The following GPC3 variants were observed in gnomAD, a reference collection of about 807,000 sequenced individuals.
GPC3 encodes the protein glypican 3.
Under a neutral mutation model 34.4 loss-of-function variants are expected in GPC3, and 3 were observed. The observed-to-expected ratio is 0.09, with a 90% CI of 0.04 to 0.23. GPC3 has a LOEUF of 0.23. GPC3 is among the 10% of genes least tolerant of loss of function. The pLI is 1.00. For missense variants in GPC3, 351 were observed against 445.6 expected, an observed-to-expected ratio of 0.79 and a Z score of 1.91; for synonymous variants, 177 against 174.0, an observed-to-expected ratio of 1.02 and a Z score of -0.13.
chrX:133,965,377 T>C (rs888285900), intron 1 of GPC3, among the ~76,000 whole-genome samples: 1 of 110,468 alleles, frequency 9.1e-6, no homozygotes, highest in African/African-American at 3.3e-5. Flanking sequence ...CCTCCTGGAT[T>C]ATCTAGGTGG....
chrX:133,877,162 T>C (rs1439365360), intron 2 of GPC3, among the ~76,000 whole-genome samples: 1 of 111,878 alleles, frequency 8.9e-6, no homozygotes, highest in Non-Finnish European at 1.9e-5. Flanking sequence ...TATAAAAGAA[T>C]GCCTTTGGGA....
chrX:133,764,720 G>A (rs1475103849), intron 2 of GPC3, among the ~76,000 whole-genome samples: 1 of 111,852 alleles, frequency 8.9e-6, no homozygotes, highest in African/African-American at 3.2e-5. Flanking sequence ...AGCCACTGGG[G>A]TTTAGAAACC....
intron 6 of GPC3, among the ~76,000 whole-genome samples, chrX:133,633,877 A>G (rs1013705311): frequency 4.5e-5 from 5 of 111,913 alleles, no homozygotes; most frequent in Non-Finnish European, 9.4e-5. Context: ...AACAGTACAA[A>G]CAAAACTCCC....
In GPC3 at chrX:133,862,369, T is replaced by C. The variant is rs191755095; in HGVS notation, c.337+90681A>G. On this transcript the variant is annotated intron_variant, in intron 2 of 7. Transcript: ENST00000370818. ...ATAAATGATAGCCATCTCATGGCTGTATTGCTTCCTTTAAAAAAAAAAAAA... is the reference window on the plus strand; with the variant it reads ...ATAAATGATAGCCATCTCATGGCTGCATTGCTTCCTTTAAAAAAAAAAAAA... 5.3e-3 allele frequency among the ~76,000 whole-genome samples: 572 copies of C among 108,888 alleles called. 6 individuals are homozygous for C. Among genetic ancestry groups the C allele is most frequent in the African/African-American group, 0.018 (541 of 29,609 alleles). 94.6% of individuals were successfully genotyped at this position (108,888 alleles called of 115,157 possible).
At chrX:133,610,334 T>C (rs760842113) in intron 6 of GPC3, among the ~76,000 whole-genome samples, 9 of 110,840 alleles carry the variant, frequency 8.1e-5, no homozygotes, top group Non-Finnish European at 1.7e-4. Flanking sequence ...ATGATGGTGG[T>C]GATAGAGTGG....
intron 5 of GPC3, among the ~76,000 whole-genome samples, chrX:133,680,026 G>A (rs1321618963): frequency 3.6e-5 from 4 of 111,482 alleles, no homozygotes; most frequent in East Asian, 2.8e-4. Context: ...ATATAGTGTC[G>A]CTGGGGACAT....
Position 133,765,911 on chromosome X carries a change from C to T in GPC3, c.338-11735G>A, listed in dbSNP as rs1291887335. On this transcript the variant is annotated intron_variant, in intron 2 of 7. Transcript: ENST00000370818. The stretch of plus-strand genomic sequence containing the variant: ...CTTAACATTTATACACATACCCCCT[C>T]CCAAAGCCTTAGTCATTCATATACT... Among the ~76,000 whole-genome samples, 3 of 111,896 alleles carry T rather than the reference C, an allele frequency of 2.7e-5. No homozygotes were observed. The East Asian group carries it at 8.4e-4, about 31-fold the overall frequency.
chrX:133,983,630 C>A, intron 1 of GPC3, among the ~76,000 whole-genome samples: 1 of 112,011 alleles, frequency 8.9e-6, no homozygotes, highest in South Asian at 3.8e-4. Context: ...CCAACCCCAA[C>A]CCTGGACCCA....
intron 2 of GPC3, among the ~76,000 whole-genome samples, chrX:133,912,251 C>T (rs2076203784): frequency 8.9e-6 from 1 of 112,098 alleles, no homozygotes; most frequent in African/African-American, 3.2e-5. Context: ...CTGTGCAAGG[C>T]GAACTACACA....
chrX:133,967,848 G>A (rs2076470884), intron 1 of GPC3, among the ~76,000 whole-genome samples: 1 of 111,991 alleles, frequency 8.9e-6, no homozygotes, highest in African/African-American at 3.2e-5. Flanking sequence ...GCCCAGGCTG[G>A]TCTTGAAATC....
intron 5 of GPC3, among the ~76,000 whole-genome samples, chrX:133,664,922 G>A (rs1407533523): frequency 9.0e-6 from 1 of 110,529 alleles, no homozygotes; most frequent in Non-Finnish European, 1.9e-5. Context: ...GGGTGACAGA[G>A]TGAGACCCTG....
chrX:133,577,282 G>A lies in GPC3; in HGVS notation c.1573+19158C>T, dbSNP rs776307539. Among the ~76,000 whole-genome samples, 7 of 112,343 alleles carry A rather than the reference G, an allele frequency of 6.2e-5. No homozygotes were observed. The East Asian group carries it at 2.0e-3, about 31-fold the overall frequency. On this transcript the variant is annotated intron_variant, in intron 7 of 7. Coordinates refer to ENST00000370818, the MANE Select transcript of GPC3 (RefSeq NM_004484.4). ...ATAGCCTGTTCCTTAAAGTAATTAA[G>A]CTCCTATAATACTCAAATAAACACG...
At chrX:133,901,472 C>T (rs1422925510) in intron 2 of GPC3, among the ~76,000 whole-genome samples, 2 of 110,681 alleles carry the variant, frequency 1.8e-5, no homozygotes, top group South Asian at 3.9e-4. Flanking sequence ...GACAGAATCT[C>T]GCTCTGACAC....
Position 133,535,886 on chromosome X carries a change from T to G in GPC3, c.*238A>C, listed in dbSNP as rs1424856028. The G allele has an allele frequency of 5.3e-6, 2 of 375,571 alleles. No homozygotes were observed. The highest frequency in any genetic ancestry group is 2.8e-5 in the African/African-American group (1 of 36,215). 31.0% of individuals were successfully genotyped at this position (375,571 alleles called of 1,213,427 possible). A position where few individuals can be genotyped will look rare whatever the true frequency, so the allele number is the denominator to read the frequency against. ...AGAATAATTTGGCACAACTTGATGG[T>G]TTTTTTTCTTTCTTTGCAAAAGGAC... On this transcript the variant is annotated 3_prime_UTR_variant, in exon 8 of 8. Transcript: ENST00000370818.
At chrX:133,808,543 T>C (rs770884095) in intron 2 of GPC3, among the ~76,000 whole-genome samples, 3 of 111,683 alleles carry the variant, frequency 2.7e-5, no homozygotes, top group East Asian at 5.6e-4. Flanking sequence ...TATCAGGAAG[T>C]AGAAGACCCA....
At position 133,747,835 on chromosome X, in the gene GPC3, C is replaced by T. The variant is rs757740857; in HGVS notation, c.1032+5647G>A. ...GATAGTGCTAAAATGAATATCACAA[C>T]GAAAAAAGAAAGGGAGAAGTAATGG... On this transcript the variant is annotated intron_variant, in intron 3 of 7. Transcript: ENST00000370818. 2.6e-3 allele frequency among the ~76,000 whole-genome samples: 292 copies of T among 111,180 alleles called. 1 individual carries two copies. The highest frequency in any genetic ancestry group is 4.1e-3 in the Non-Finnish European group (215 of 52,988).
At chrX:133,894,233 G>A (rs938589359) in intron 2 of GPC3, among the ~76,000 whole-genome samples, 2 of 111,692 alleles carry the variant, frequency 1.8e-5, no homozygotes, top group African/African-American at 6.5e-5. Context: ...TTTGCTCAGG[G>A]ATCTCTCCTA....
At chrX:133,922,925 G>A (rs1056486838) in intron 2 of GPC3, among the ~76,000 whole-genome samples, 1 of 111,557 alleles carries the variant, frequency 9.0e-6, no homozygotes, top group Non-Finnish European at 1.9e-5. Flanking sequence ...ATGTGAGGTA[G>A]AGTCTTCTAT....
chrX:133,644,926 G>A (rs1182308924), intron 6 of GPC3, among the ~76,000 whole-genome samples: 7 of 110,695 alleles, frequency 6.3e-5, no homozygotes, highest in African/African-American at 2.0e-4. Flanking sequence ...GATTATAGGC[G>A]CCTGCCACCA....
Sources: allele counts gnomAD v4.1 joint callset (sites outside exome capture counted in the v4.1 genomes callset), GRCh38; gene constraint gnomAD v4.1.1; transcripts MANE v1.5; gene names NCBI Gene and HGNC (gene_info 2026-07-23, HGNC 2026-07-21).